The following CDH13 variants were observed in gnomAD, a reference collection of about 807,000 sequenced individuals.
The protein encoded by CDH13 is cadherin-13.
A neutral mutation model predicts 63.8 loss-of-function variants in CDH13; 24 were observed. The observed-to-expected ratio is 0.38, with a 90% CI of 0.27 to 0.53. CDH13 has a LOEUF of 0.53. Ranked by LOEUF, CDH13 falls within the 20% of genes least tolerant of loss-of-function variation. CDH13 has a pLI of 0.85. For missense variants in CDH13, 1,049 were observed against 903.1 expected, an observed-to-expected ratio of 1.16 and a Z score of -2.07; for synonymous variants, 503 against 355.3, an observed-to-expected ratio of 1.42 and a Z score of -4.67.
chr16:83,779,881 A>G (rs1915398262), intron 11 of CDH13, 87 bp from the exon 12 acceptor site: 1 of 856,854 alleles, frequency 1.2e-6, no homozygotes, highest in Admixed American at 2.6e-5. Context: ...ACTGCAAAAT[A>G]TACTAAGTTT....
intron 11 of CDH13, among the ~76,000 whole-genome samples, chr16:83,750,848 G>C (rs1397120544): frequency 6.6e-6 from 1 of 152,082 alleles, no homozygotes; most frequent in African/African-American, 2.4e-5. Flanking sequence ...TTTCTGTCGT[G>C]TAAGCCACTC....
chr16:83,184,483 G>A (rs74249506), intron 4 of CDH13, among the ~76,000 whole-genome samples: 6,981 of 152,060 alleles, frequency 0.046, 224 homozygotes, highest in East Asian at 0.1. Flanking sequence ...GGCAGGGTGC[G>A]GTGGCTCACA....
intron 7 of CDH13, among the ~76,000 whole-genome samples, chr16:83,546,656 G>A (rs1225355781): frequency 2.6e-5 from 4 of 152,164 alleles, no homozygotes; most frequent in Admixed American, 6.5e-5. Context: ...TCTGGGTAGC[G>A]AAGTTTGGGG....
chr16:83,615,189 A>G (rs931627197), intron 8 of CDH13, among the ~76,000 whole-genome samples: 4 of 152,168 alleles, frequency 2.6e-5, no homozygotes, highest in South Asian at 4.1e-4. Context: ...GAGTGCTTCA[A>G]AGAAAAGCCT....
intron 7 of CDH13, among the ~76,000 whole-genome samples, chr16:83,528,288 T>C (rs2075007023): frequency 6.6e-6 from 1 of 152,212 alleles, no homozygotes. Flanking sequence ...AAATTTTGGT[T>C]GATCACATTT....
At chr16:83,115,521 A>C (rs72798374) in intron 3 of CDH13, among the ~76,000 whole-genome samples, 13,474 of 152,256 alleles carry the variant, frequency 0.088, 669 homozygotes, top group African/African-American at 0.13. Flanking sequence ...TTGAACTCAA[A>C]CCCGAAGCAT....
intron 8 of CDH13, among the ~76,000 whole-genome samples, chr16:83,650,327 G>A (rs536023400): frequency 6.6e-6 from 1 of 152,120 alleles, no homozygotes; most frequent in Non-Finnish European, 1.5e-5. Context: ...TATAGTCTTT[G>A]GTTTTACCCT....
In CDH13 at chr16:82,714,712, T is replaced by TAAA. The variant is rs71146088; in HGVS notation, c.45+87600_45+87602dup. Among the ~76,000 whole-genome samples the TAAA allele has an allele frequency of 1.7e-4, 5 of 30,024 alleles. 1 individual carries two copies. The highest frequency in any genetic ancestry group is 3.1e-4 in the Non-Finnish European group (5 of 16,078). The allele number at this position is 30,024 out of a possible 152,430, so 19.7% of individuals were successfully genotyped here. ...CTAGGCGACAGAGCAAGACTCCATC[T>TAAA]AAAAAAAAAAAAAAAAAAAAAAAAA... On this transcript the variant is annotated intron_variant, in intron 1 of 13. Transcript: ENST00000567109.
chr16:82,731,138 C>T (rs925458464), intron 1 of CDH13, among the ~76,000 whole-genome samples: 1 of 152,146 alleles, frequency 6.6e-6, no homozygotes, highest in Non-Finnish European at 1.5e-5. Flanking sequence ...CTGGCAAACA[C>T]CTCAGGGCTA....
intron 2 of CDH13, among the ~76,000 whole-genome samples, chr16:82,943,620 C>T (rs1289336824): frequency 6.6e-6 from 1 of 152,104 alleles, no homozygotes; most frequent in Non-Finnish European, 1.5e-5. Flanking sequence ...TGGATAAAAC[C>T]ACCAGCCCCT....
chr16:82,669,127 T>G (rs1567608437), intron 1 of CDH13, among the ~76,000 whole-genome samples: 1 of 152,174 alleles, frequency 6.6e-6, no homozygotes, highest in African/African-American at 2.4e-5. Flanking sequence ...GGCTCAGGTA[T>G]GAGCAATGCT....
chr16:83,758,384 G>GA (rs1310253535), intron 11 of CDH13, among the ~76,000 whole-genome samples: 11 of 151,764 alleles, frequency 7.2e-5, no homozygotes, highest in Non-Finnish European at 1.5e-4. Flanking sequence ...AGTTGCATTT[G>GA]AAAAAAATTC....
chr16:82,984,102 ACATGGGAGGC>A (rs1910639135), intron 2 of CDH13, among the ~76,000 whole-genome samples: 1 of 152,226 alleles, frequency 6.6e-6, no homozygotes, highest in African/African-American at 2.4e-5. Context: ...CACTTGAATC[ACATGGGAGGC>A]CATTAAACAC....
At chr16:83,011,511 T>C (rs759395452) in intron 2 of CDH13, among the ~76,000 whole-genome samples, 2 of 152,208 alleles carry the variant, frequency 1.3e-5, no homozygotes, top group Non-Finnish European at 2.9e-5. Context: ...ATGACCCATG[T>C]TGCTTCTGGG....
chr16:83,348,444 C>G (rs749555842), intron 6 of CDH13, among the ~76,000 whole-genome samples: 3 of 152,188 alleles, frequency 2.0e-5, no homozygotes, highest in South Asian at 4.1e-4. Context: ...TTTTCTGAGC[C>G]TACATAACCA....
chr16:83,281,660 G>A (rs1247563043), intron 5 of CDH13, among the ~76,000 whole-genome samples: 1 of 151,706 alleles, frequency 6.6e-6, no homozygotes, highest in Non-Finnish European at 1.5e-5. Context: ...TGTAATCCCC[G>A]CATTTTGGTA....
intron 1 of CDH13, among the ~76,000 whole-genome samples, chr16:82,749,038 C>T (rs551811057): frequency 7.2e-5 from 11 of 152,214 alleles, no homozygotes; most frequent in Admixed American, 2.6e-4. Flanking sequence ...GGCCTTCTCA[C>T]TCCCCTGAAA....
intron 5 of CDH13, among the ~76,000 whole-genome samples, chr16:83,224,745 G>A (rs941797977): frequency 1.3e-5 from 2 of 152,148 alleles, no homozygotes; most frequent in Non-Finnish European, 2.9e-5. Flanking sequence ...TTACTTCTCA[G>A]CCTCTGTTTT....
At chr16:83,004,037 C>T (rs1342295402) in intron 2 of CDH13, among the ~76,000 whole-genome samples, 3 of 152,072 alleles carry the variant, frequency 2.0e-5, no homozygotes, top group Non-Finnish European at 4.4e-5. Flanking sequence ...ATAATAAATG[C>T]TCTTTGGGAA....
Sources: gnomAD v4.1 joint callset for allele counts (sites outside exome capture counted in the v4.1 genomes callset) on GRCh38, gnomAD v4.1.1 for gene constraint, MANE v1.5 for transcripts, NCBI Gene and HGNC (gene_info 2026-07-23, HGNC 2026-07-21) for gene names.